The following FRAS1 variants were observed in gnomAD, a reference collection of about 807,000 sequenced individuals.
The protein encoded by FRAS1 is Fraser extracellular matrix complex subunit 1.
FRAS1 carries 290 observed loss-of-function variants against 435.2 expected under a neutral mutation model. The observed-to-expected ratio is 0.67, with a 90% CI of 0.61 to 0.73. The LOEUF is 0.73. FRAS1 is among the 30% of genes least tolerant of loss of function. FRAS1 has a pLI of 0.00. For missense variants in FRAS1, 4,860 were observed against 5,001.5 expected (o/e 0.97, Z 0.85); for synonymous variants, 1,800 against 1,851.0 (o/e 0.97, Z 0.71).
intron 1 of FRAS1, among the ~76,000 whole-genome samples, chr4:78,059,436 G>A (rs994038529): frequency 2.6e-5 from 4 of 151,772 alleles, no homozygotes; most frequent in African/African-American, 9.7e-5. Flanking sequence ...GGCCTGTGCA[G>A]CCTTCTCCCA....
At chr4:78,226,227 T>A (rs1724265141) in intron 2 of FRAS1, among the ~76,000 whole-genome samples, 1 of 152,098 alleles carries the variant, frequency 6.6e-6, no homozygotes, top group African/African-American at 2.4e-5. Context: ...TCCCACCAGA[T>A]GTTATTATTT....
intron 2 of FRAS1, among the ~76,000 whole-genome samples, chr4:78,099,935 T>G (rs1268388561): frequency 6.6e-6 from 1 of 152,176 alleles, no homozygotes; most frequent in Non-Finnish European, 1.5e-5. Flanking sequence ...AGGAAATTTT[T>G]TCTGGAGGCC....
intron 32 of FRAS1, among the ~76,000 whole-genome samples, chr4:78,417,722 C>G (rs1327934515): frequency 6.6e-6 from 1 of 152,182 alleles, no homozygotes; most frequent in Admixed American, 6.5e-5. Context: ...AACCTACAAT[C>G]TTTTCATGGT....
chr4:78,464,256 T>C, intron 48 of FRAS1, 111 bp downstream of exon 48: 1 of 1,431,472 alleles, frequency 7.0e-7, no homozygotes, highest in Non-Finnish European at 9.3e-7. Context: ...TCCTCTGCTC[T>C]CAGTCAAGGG....
Position 78,180,801 on chromosome 4 carries a change from T to G in FRAS1, c.109-56709T>G, listed in dbSNP as rs568530493. On this transcript the variant is annotated intron_variant, in intron 2 of 73. Transcript: ENST00000512123. ...TTTTTAATTTGTCATTTGGAATCCT[T>G]AAGCATGCAAAAGCTTTGAACAGAA... The G allele has an allele frequency of 5.1e-6, 6 of 1,185,220 alleles. No individual in the cohort carries two copies. In the African/African-American group the frequency reaches 9.3e-5, roughly 18 times the overall value. 73.4% of individuals were successfully genotyped at this position (1,185,220 alleles called of 1,614,324 possible).
At chr4:78,239,484 A>G (rs1724910608) in intron 3 of FRAS1, among the ~76,000 whole-genome samples, 2 of 152,012 alleles carry the variant, frequency 1.3e-5, no homozygotes. Context: ...TGTAATTTTG[A>G]TATAGTAGCC....
At chr4:78,485,855 A>G (rs186931559) in intron 58 of FRAS1, among the ~76,000 whole-genome samples, 1 of 152,308 alleles carries the variant, frequency 6.6e-6, no homozygotes, top group East Asian at 1.9e-4. Context: ...TGCCCTCTGT[A>G]TAACAATGCT....
chr4:78,232,575 G>A (rs1040141530), intron 2 of FRAS1, among the ~76,000 whole-genome samples: 1 of 152,144 alleles, frequency 6.6e-6, no homozygotes, highest in Non-Finnish European at 1.5e-5. Flanking sequence ...GTGAGCCACC[G>A]TGCCTGGCTG....
At chr4:78,115,670 G>C (rs889081069) in intron 2 of FRAS1, among the ~76,000 whole-genome samples, 8 of 152,102 alleles carry the variant, frequency 5.3e-5, no homozygotes, top group African/African-American at 1.9e-4. Flanking sequence ...GGGATAGGTG[G>C]TGATATCCAC....
intron 18 of FRAS1, among the ~76,000 whole-genome samples, chr4:78,330,643 G>A (rs919055365): frequency 6.6e-6 from 1 of 152,150 alleles, no homozygotes; most frequent in Non-Finnish European, 1.5e-5. Flanking sequence ...AGACTGCAGG[G>A]GTGAAATAGA....
intron 20 of FRAS1, among the ~76,000 whole-genome samples, chr4:78,360,970 C>A (rs1731052329): frequency 6.6e-6 from 1 of 152,178 alleles, no homozygotes; most frequent in South Asian, 2.1e-4. Flanking sequence ...GTCTTTAGAC[C>A]ACTGAACACC....
rs192754032 is a variant in FRAS1 at position 78,062,668 on chromosome 4, G to A, written c.77-3317G>A. Reference sequence around the variant, plus strand: ...AGATTTTATACAGTCATCTCATAAAGGCGTATATTATAATGTGCAAAAGGG... The same window carrying A: ...AGATTTTATACAGTCATCTCATAAAAGCGTATATTATAATGTGCAAAAGGG... On this transcript the variant is annotated intron_variant, in intron 1 of 73. Coordinates refer to ENST00000512123, the MANE Select transcript of FRAS1 (RefSeq NM_025074.7). 4.4e-3 allele frequency among the ~76,000 whole-genome samples: 666 copies of A among 152,110 alleles called. 4 individuals carry two copies. The highest frequency in any genetic ancestry group is 6.9e-3 in the Non-Finnish European group (470 of 68,016).
intron 2 of FRAS1, among the ~76,000 whole-genome samples, chr4:78,079,679 T>C (rs1302879277): frequency 6.6e-6 from 1 of 152,148 alleles, no homozygotes; most frequent in Non-Finnish European, 1.5e-5. Flanking sequence ...CATTGATTTA[T>C]ACAGTTCAAA....
At chr4:78,270,547 G>GCCACCACCA (rs1726620642) in intron 9 of FRAS1, among the ~76,000 whole-genome samples, 4 of 65,298 alleles carry the variant, frequency 6.1e-5, no homozygotes, top group African/African-American at 2.3e-4. Context: ...CCGCCACCCC[G>GCCACCACCA]CCCCCCCGCC....
chr4:78,501,179 A>G (rs1201452630), intron 61 of FRAS1, among the ~76,000 whole-genome samples: 1 of 151,954 alleles, frequency 6.6e-6, no homozygotes, highest in African/African-American at 2.4e-5. Flanking sequence ...AAGTGTTCTC[A>G]TTGTTCAGTT....
chr4:78,341,017 AGTGG>A (rs1730377260), intron 20 of FRAS1, among the ~76,000 whole-genome samples: 1 of 152,114 alleles, frequency 6.6e-6, no homozygotes, highest in Non-Finnish European at 1.5e-5. Context: ...AACAGAAGGG[AGTGG>A]GTGTTTAGTA....
chr4:78,380,346 C>T (rs1171719723), intron 27 of FRAS1, among the ~76,000 whole-genome samples: 1 of 85,404 alleles, frequency 1.2e-5, no homozygotes, highest in Non-Finnish European at 2.6e-5. Context: ...AATGTACTGG[C>T]GACAGAGAGA....
intron 27 of FRAS1, among the ~76,000 whole-genome samples, chr4:78,380,214 A>C (rs539559056): frequency 6.6e-6 from 1 of 152,276 alleles, no homozygotes; most frequent in Admixed American, 6.5e-5. Flanking sequence ...TTTCTCACAT[A>C]ATTGTGGGTA....
At chr4:78,190,349 T>C (rs376338713) in intron 2 of FRAS1, among the ~76,000 whole-genome samples, 40 of 152,174 alleles carry the variant, frequency 2.6e-4, no homozygotes, top group African/African-American at 9.6e-4. Context: ...CTTCTTCAGA[T>C]CTCATTGTAA....
Sources: gnomAD v4.1 joint callset for allele counts (sites outside exome capture counted in the v4.1 genomes callset) on GRCh38, gnomAD v4.1.1 for gene constraint, MANE v1.5 for transcripts, NCBI Gene and HGNC (gene_info 2026-07-23, HGNC 2026-07-21) for gene names.